The following BLACAT1 variants were observed in gnomAD, a reference collection of about 807,000 sequenced individuals.
BLACAT1 encodes BLACAT1 overlapping LEMD1 locus, also known as bladder cancer associated transcript 1.
chr1:205,453,499 G>T (rs1043536124), intron 1 of BLACAT1, among the ~76,000 whole-genome samples: 3 of 152,148 alleles, frequency 2.0e-5, no homozygotes, highest in African/African-American at 7.2e-5. Flanking sequence ...TCCCCCAAGG[G>T]CTTTCTCTAG....
chr1:205,448,278 GGGAGGTGCAGCTGCGCA>G lies in BLACAT1; in HGVS notation c.-36-7233_-36-7217del, dbSNP rs1558746312. 1 of 518,306 alleles carries G rather than the reference GGGAGGTGCAGCTGCGCA, an allele frequency of 1.9e-6. No homozygotes were observed. The highest frequency in any genetic ancestry group is 1.4e-5 in the South Asian group (1 of 71,056). The allele number at this position is 518,306 out of a possible 1,614,324, so 32.1% of individuals were successfully genotyped here. Reference sequence around the variant, plus strand: ...TGGCTGGCTCCGAACCTGGTCCCATGGGAGGTGCAGCTGCGCAGGAGAAGGAGCTCGCCCCTCACTGT... The same window carrying G: ...TGGCTGGCTCCGAACCTGGTCCCATGGGAGAAGGAGCTCGCCCCTCACTGT... On this transcript the variant is annotated intron_variant, in intron 1 of 1. Coordinates refer to ENST00000629624, the Ensembl canonical transcript of BLACAT1. The surrounding 1 kb of genome is among the most constrained non-coding windows in gnomAD (Gnocchi z 4.7).
intron 1 of BLACAT1, among the ~76,000 whole-genome samples, chr1:205,454,602 A>G (rs1575015477): frequency 6.6e-6 from 1 of 151,842 alleles, no homozygotes; most frequent in Non-Finnish European, 1.5e-5. Context: ...GCCCCAGTGG[A>G]GCAATGGAAA....
chr1:205,451,419 C>T (rs549087256), intron 1 of BLACAT1, among the ~76,000 whole-genome samples: 239 of 152,302 alleles, frequency 1.6e-3, no homozygotes, highest in African/African-American at 5.6e-3. Context: ...TTCTTCCTGC[C>T]GCAGGCTCCC....
rs1221159880 is a variant in BLACAT1 at position 205,441,492 on chromosome 1, T to C, written c.-36-430A>G. The stretch of plus-strand genomic sequence containing the variant: ...GGGGCTTCCACTCGCTTCTGCAGGT[T>C]GCACACACGACAGGCCCTCCTCCAT... On this transcript the variant is annotated intron_variant, in intron 1 of 1. Transcript: ENST00000629624. The surrounding 1 kb of genome is among the most constrained non-coding windows in gnomAD (Gnocchi z 4.3). Among the ~76,000 whole-genome samples, 1 of 152,190 alleles carries C rather than the reference T, an allele frequency of 6.6e-6. No individual in the cohort carries two copies. The highest frequency in any genetic ancestry group is 2.4e-5 in the African/African-American group (1 of 41,448).
At chr1:205,439,963 G>A (rs1339108681) in exon 2 of BLACAT1, among the ~76,000 whole-genome samples, 1 of 152,112 alleles carries the variant, frequency 6.6e-6, no homozygotes, top group Non-Finnish European at 1.5e-5. Flanking sequence ...AGGTTGGCGG[G>A]GGTGGGGGAT....
chr1:205,445,215 G>A (rs1038593641), intron 1 of BLACAT1, among the ~76,000 whole-genome samples: 14 of 152,160 alleles, frequency 9.2e-5, no homozygotes, highest in Middle Eastern at 3.4e-3. Context: ...TGGCCGCCAC[G>A]GAGCCTCCTT....
chr1:205,453,715 A>C (rs953710567), intron 1 of BLACAT1, among the ~76,000 whole-genome samples: 2 of 152,184 alleles, frequency 1.3e-5, no homozygotes, highest in Non-Finnish European at 1.5e-5. Flanking sequence ...CAGCCTCTGC[A>C]TCTGATCTCC....
downstream of BLACAT1, among the ~76,000 whole-genome samples, chr1:205,439,907 A>T (rs1040859396): frequency 1.4e-5 from 2 of 145,534 alleles, no homozygotes; most frequent in Admixed American, 1.4e-4. Flanking sequence ...TTTGCTTCCT[A>T]CCTCCTGGAA....
chr1:205,438,335 G>A (rs1180588599), downstream of BLACAT1, among the ~76,000 whole-genome samples: 6 of 152,248 alleles, frequency 3.9e-5, no homozygotes, highest in Admixed American at 2.0e-4. Flanking sequence ...CCCACCTCAA[G>A]GTGGAGTCTC....
chr1:205,443,805 C>A (rs1666337425), intron 1 of BLACAT1, among the ~76,000 whole-genome samples: 1 of 152,194 alleles, frequency 6.6e-6, no homozygotes, highest in Admixed American at 6.5e-5. Flanking sequence ...AGTGGGGGGA[C>A]ATGGGGCAGA....
intron 1 of BLACAT1, among the ~76,000 whole-genome samples, chr1:205,453,862 G>A (rs1666529060): frequency 6.6e-6 from 1 of 152,190 alleles, no homozygotes; most frequent in Admixed American, 6.5e-5. Flanking sequence ...AAAAATATAA[G>A]AATGGGTCAT....
At chr1:205,438,393 A>C (rs1887976), downstream of BLACAT1, among the ~76,000 whole-genome samples, 144,124 of 152,278 alleles carry the variant, frequency 0.95, 68,730 homozygotes, top group East Asian at 1. Context: ...CAGCCAGGCC[A>C]ACCCTAGAAG....
chr1:205,443,630 G>A (rs1666333813), intron 1 of BLACAT1, among the ~76,000 whole-genome samples: 1 of 152,104 alleles, frequency 6.6e-6, no homozygotes, highest in Non-Finnish European at 1.5e-5. Flanking sequence ...TCATAAACAG[G>A]GCCTGGTTAT....
intron 1 of BLACAT1, among the ~76,000 whole-genome samples, chr1:205,444,041 C>T (rs1007182280): frequency 1.3e-5 from 2 of 152,130 alleles, no homozygotes; most frequent in Non-Finnish European, 2.9e-5. Flanking sequence ...GGTCCCCTTG[C>T]TGCGTCTATT....
chr1:205,440,765 A>G (rs980504813), exon 2 of BLACAT1: 1 of 152,598 alleles, frequency 6.6e-6, no homozygotes, highest in African/African-American at 2.4e-5. Context: ...AGAGGCACAC[A>G]GGAGGCTGAT....
chr1:205,435,124 G>A (rs939187149), downstream of BLACAT1: 6 of 152,228 alleles, frequency 3.9e-5, no homozygotes, highest in Non-Finnish European at 8.8e-5. Flanking sequence ...GCATGATATA[G>A]ATTGCTACTT....
chr1:205,454,258 G>C (rs897292268), intron 1 of BLACAT1, among the ~76,000 whole-genome samples: 2 of 152,208 alleles, frequency 1.3e-5, no homozygotes, highest in African/African-American at 4.8e-5. Context: ...GAGCAGTCAC[G>C]TCAGCAGGAC....
intron 1 of BLACAT1, among the ~76,000 whole-genome samples, chr1:205,452,872 G>A (rs1030304892): frequency 6.6e-6 from 1 of 152,218 alleles, no homozygotes; most frequent in Non-Finnish European, 1.5e-5. Flanking sequence ...GATGTTGGCT[G>A]AATGGTATAG....
chr1:205,437,163 A>AAGGAATG (rs1666223511), downstream of BLACAT1: 1 of 152,420 alleles, frequency 6.6e-6, no homozygotes, highest in African/African-American at 2.4e-5. Flanking sequence ...TGCAGAAGGC[A>AAGGAATG]AGGAATGAGG....
Sources: allele counts gnomAD v4.1 joint callset (sites outside exome capture counted in the v4.1 genomes callset), GRCh38; gene constraint gnomAD v4.1.1; non-coding constraint Gnocchi (gnomAD v3.1); transcripts MANE v1.5; gene names NCBI Gene and HGNC (gene_info 2026-07-23, HGNC 2026-07-21).